Variants in PPM1E observed in about 807,000 individuals in gnomAD.
PPM1E encodes protein phosphatase, Mg2+/Mn2+ dependent 1E, also known as protein phosphatase 1E.
Under a neutral mutation model 65.9 loss-of-function variants are expected in PPM1E, and 20 were observed. The observed-to-expected ratio is 0.30, with a 90% confidence interval of 0.21 to 0.44. The LOEUF is 0.44. PPM1E is among the 20% of genes least tolerant of loss of function. PPM1E has a pLI of 1.00. For missense variants in PPM1E, 713 were observed against 953.1 expected (o/e 0.75, Z 3.32); for synonymous variants, 352 against 374.9 (o/e 0.94, Z 0.70).
intron 1 of PPM1E, among the ~76,000 whole-genome samples, chr17:58,931,404 A>AAGGG (rs551433560): frequency 1.4e-5 from 2 of 145,414 alleles, no homozygotes; most frequent in African/African-American, 2.5e-5. Context: ...GGAAGGAAGG[A>AAGGG]AGGGAGGGAG....
chr17:58,884,648 G>A (rs2051244954), intron 1 of PPM1E, among the ~76,000 whole-genome samples: 1 of 152,168 alleles, frequency 6.6e-6, no homozygotes, highest in Non-Finnish European at 1.5e-5. Context: ...GTAGTTGAGA[G>A]TGTGAGTTAT....
chr17:58,952,254 T>TG (rs2052249778), intron 1 of PPM1E, among the ~76,000 whole-genome samples: 1 of 152,132 alleles, frequency 6.6e-6, no homozygotes, highest in Admixed American at 6.5e-5. Context: ...TTGACCAGCT[T>TG]GGGGTCTAGC....
At chr17:58,873,048 T>C (rs1311926602) in intron 1 of PPM1E, among the ~76,000 whole-genome samples, 2 of 152,186 alleles carry the variant, frequency 1.3e-5, no homozygotes, top group Non-Finnish European at 2.9e-5. Flanking sequence ...CTCTCAAGGC[T>C]CAAAATTATC....
At position 58,980,671 on chromosome 17, in the gene PPM1E, G is replaced by A. The variant is rs759121062; in HGVS notation, c.1908G>A (p.Gly636=). The A allele has an allele frequency of 2.7e-5, 43 of 1,614,032 alleles. No individual in the cohort carries two copies. The highest frequency in any genetic ancestry group is 1.2e-4 in the Admixed American group (7 of 60,000). Reference sequence around the variant, plus strand: ...CTGCTTTCAATTTGGGTTCAACAGGGGAGCAGATATACAGAATGCAGAGCT... The same window carrying A: ...CTGCTTTCAATTTGGGTTCAACAGGAGAGCAGATATACAGAATGCAGAGCT... ...FPTAFNLGST[G]EQIYRMQSLS... Residue 636 remains glycine (G), a synonymous_variant, in exon 7 of 7, where the codon GGG becomes GGA. Transcript: ENST00000308249. The surrounding 1 kb of genome is among the most constrained non-coding windows in gnomAD (Gnocchi z 4.7).
At chr17:58,833,087 A>C (rs1271197015) in intron 1 of PPM1E, among the ~76,000 whole-genome samples, 1 of 151,972 alleles carries the variant, frequency 6.6e-6, no homozygotes, top group Non-Finnish European at 1.5e-5. Context: ...CAGCCTCACA[A>C]GATTTCACAG....
intron 1 of PPM1E, among the ~76,000 whole-genome samples, chr17:58,786,261 G>A (rs1178661709): frequency 6.6e-6 from 1 of 151,922 alleles, no homozygotes; most frequent in African/African-American, 2.4e-5. Context: ...TGATCTGCCC[G>A]CCTCGGCCTC....
chr17:58,806,137 T>C (rs2050312195), intron 1 of PPM1E, among the ~76,000 whole-genome samples: 1 of 152,012 alleles, frequency 6.6e-6, no homozygotes, highest in African/African-American at 2.4e-5. Flanking sequence ...GTAGGGAGTA[T>C]CTCAGTTTTA....
chr17:58,937,024 C>A (rs908854516), intron 1 of PPM1E, among the ~76,000 whole-genome samples: 1 of 151,516 alleles, frequency 6.6e-6, no homozygotes, highest in African/African-American at 2.4e-5. Flanking sequence ...AGGCCGGGCG[C>A]GGTGGCTCAC....
chr17:58,908,848 G>T (rs1351994607), intron 1 of PPM1E, among the ~76,000 whole-genome samples: 1 of 152,062 alleles, frequency 6.6e-6, no homozygotes, highest in Non-Finnish European at 1.5e-5. Flanking sequence ...TAGTGTGAGT[G>T]TATTATAATA....
chr17:58,932,799 C>A (rs745858349), intron 1 of PPM1E, among the ~76,000 whole-genome samples: 25 of 152,118 alleles, frequency 1.6e-4, no homozygotes, highest in Admixed American at 2.6e-4. Flanking sequence ...AAGCAGTTAA[C>A]AACTCCAGGA....
intron 2 of PPM1E, 90 bp downstream of exon 2, chr17:58,955,857 A>G: frequency 7.3e-7 from 1 of 1,377,426 alleles, no homozygotes; most frequent in South Asian, 1.7e-5. Flanking sequence ...TACTAAATCT[A>G]ATTACATTTA....
chr17:58,863,147 T>A (rs2050960514), intron 1 of PPM1E, among the ~76,000 whole-genome samples: 1 of 152,232 alleles, frequency 6.6e-6, no homozygotes, highest in Non-Finnish European at 1.5e-5. Context: ...CCATTTTTAA[T>A]GGACTGATCA....
chr17:58,916,924 C>T (rs898631544), intron 1 of PPM1E, among the ~76,000 whole-genome samples: 3 of 152,028 alleles, frequency 2.0e-5, no homozygotes, highest in African/African-American at 7.2e-5. Flanking sequence ...TAAGAACTAT[C>T]TGTGGTGGGG....
rs78773665 is a variant in PPM1E, at chr17:58,958,916, C to T, written c.583+3149C>T. Among the ~76,000 whole-genome samples, 1,009 of 151,824 alleles carry T rather than the reference C, an allele frequency of 6.6e-3. 25 individuals are homozygous for T. Among genetic ancestry groups the T allele is most frequent in the East Asian group, 0.059 (305 of 5,174 alleles). On this transcript the variant is annotated intron_variant, in intron 2 of 6. Transcript: ENST00000308249. ...TTTTAAAATGAATGCTCCAACTGCACGGAAAAAGAAGGAAAATTTGCATAA... is the reference window on the plus strand; with the variant it reads ...TTTTAAAATGAATGCTCCAACTGCATGGAAAAAGAAGGAAAATTTGCATAA...
intron 1 of PPM1E, among the ~76,000 whole-genome samples, chr17:58,762,026 A>G (rs2049826120): frequency 1.3e-5 from 2 of 152,198 alleles, no homozygotes; most frequent in Non-Finnish European, 2.9e-5. Context: ...TAAGTGTGGT[A>G]TTCTGAGGGA....
intron 1 of PPM1E, among the ~76,000 whole-genome samples, chr17:58,768,640 T>C (rs1451785709): frequency 6.6e-6 from 1 of 152,186 alleles, no homozygotes; most frequent in African/African-American, 2.4e-5. Flanking sequence ...AAGAAAAAGT[T>C]AACAATTATT....
In PPM1E at chr17:58,837,858, T is replaced by C. The variant is rs187058861; in HGVS notation, c.464+81397T>C. On this transcript the variant is annotated intron_variant, in intron 1 of 6. Coordinates refer to ENST00000308249, the MANE Select transcript of PPM1E (RefSeq NM_014906.5). ...TGCTAATTTAGACAATGTAGTGTGCTGTTTATAAAAGTTGGCAGCATTTGA... is the reference window on the plus strand; with the variant it reads ...TGCTAATTTAGACAATGTAGTGTGCCGTTTATAAAAGTTGGCAGCATTTGA... 1.2e-4 allele frequency among the ~76,000 whole-genome samples: 19 copies of C among 152,364 alleles called. No individual in the cohort carries two copies. The East Asian group carries it at 3.5e-3, about 28-fold the overall frequency.
chr17:58,807,478 T>G (rs2050326915), intron 1 of PPM1E, among the ~76,000 whole-genome samples: 1 of 152,148 alleles, frequency 6.6e-6, no homozygotes. Flanking sequence ...TCTATAAAGG[T>G]GAGAAAATGT....
intron 1 of PPM1E, among the ~76,000 whole-genome samples, chr17:58,874,796 A>G (rs570197571): frequency 5.3e-5 from 8 of 152,314 alleles, no homozygotes; most frequent in Non-Finnish European, 1.0e-4. Flanking sequence ...GCAATTTTCT[A>G]TAGAGGAAAT....
Sources: gnomAD v4.1 joint callset for allele counts (sites outside exome capture counted in the v4.1 genomes callset) on GRCh38, gnomAD v4.1.1 for gene constraint, Gnocchi (gnomAD v3.1) non-coding constraint, MANE v1.5 for transcripts, NCBI Gene and HGNC (gene_info 2026-07-23, HGNC 2026-07-21) for gene names.